The following HPSE2 variants were observed in gnomAD, a reference collection of about 807,000 sequenced individuals.
The protein encoded by HPSE2 is heparanase 2 (inactive), also known as inactive heparanase-2.
In HPSE2, 38 loss-of-function variants were observed where a neutral mutation model predicts 60.5. The ratio of observed to expected loss-of-function variants is 0.63; its 90% CI spans 0.48 to 0.82. The LOEUF (loss-of-function observed/expected upper bound fraction) is 0.82, where lower values mean the gene tolerates loss of function less well. Among genes scored for constraint, HPSE2 ranks in the 40% least tolerant of loss-of-function variants. The probability of loss-of-function intolerance (pLI) is 0.00; values close to 1 mark genes in which losing one functional copy is unlikely to be tolerated. For missense variants in HPSE2, 713 were observed against 740.4 expected (o/e 0.96, Z 0.43); for synonymous variants, 295 against 293.2 (o/e 1.01, Z -0.06).
chr10:98,620,840 T>C (rs972350380), intron 7 of HPSE2, 132 bp from the exon 8 acceptor site: 3 of 726,402 alleles, frequency 4.1e-6, no homozygotes, highest in Non-Finnish European at 7.4e-6. Context: ...TGTGCTTTCT[T>C]ATGATGATGC....
chr10:98,506,841 T>C (rs757063410), intron 9 of HPSE2, among the ~76,000 whole-genome samples: 2 of 152,186 alleles, frequency 1.3e-5, no homozygotes, highest in Non-Finnish European at 2.9e-5. Context: ...TGATATTCTA[T>C]GAAAACCATT....
intron 3 of HPSE2, among the ~76,000 whole-genome samples, chr10:98,819,236 C>G (rs1422165477): frequency 6.6e-6 from 1 of 152,040 alleles, no homozygotes; most frequent in African/African-American, 2.4e-5. Context: ...CTGTCATGAT[C>G]AGAAAGGAGA....
At chr10:98,763,915 T>C (rs923356139) in intron 3 of HPSE2, among the ~76,000 whole-genome samples, 5 of 152,002 alleles carry the variant, frequency 3.3e-5, no homozygotes, top group Admixed American at 6.6e-5. Context: ...ATAGTAAATT[T>C]GGGGGTAAAG....
intron 7 of HPSE2, among the ~76,000 whole-genome samples, chr10:98,638,680 T>G (rs680974): frequency 0.91 from 138,078 of 152,116 alleles, 64,149 homozygotes; most frequent in East Asian, 1. Context: ...CCCAGGGAAG[T>G]CCAGTGCTTA....
intron 3 of HPSE2, among the ~76,000 whole-genome samples, chr10:98,819,657 G>C (rs1951378477): frequency 6.6e-6 from 1 of 152,020 alleles, no homozygotes. Flanking sequence ...CTTTTTAAAA[G>C]AGCTTTTTGA....
At chr10:98,796,019 T>C (rs997680213) in intron 3 of HPSE2, among the ~76,000 whole-genome samples, 1 of 151,956 alleles carries the variant, frequency 6.6e-6, no homozygotes, top group African/African-American at 2.4e-5. Context: ...TAACCACCAA[T>C]GATACCCAAG....
chr10:99,114,642 C>T (rs1032221958), intron 3 of HPSE2, among the ~76,000 whole-genome samples: 6 of 151,996 alleles, frequency 3.9e-5, no homozygotes, highest in East Asian at 1.9e-4. Flanking sequence ...TGGCTGGGTG[C>T]GGTGGCTCAT....
chr10:98,735,884 G>C (rs895593055), intron 4 of HPSE2, among the ~76,000 whole-genome samples: 4 of 152,170 alleles, frequency 2.6e-5, no homozygotes, highest in African/African-American at 9.7e-5. Context: ...GAATTGCCTT[G>C]TCTCAGATGA....
intron 2 of HPSE2, among the ~76,000 whole-genome samples, chr10:99,190,526 G>A (rs1848182999): frequency 6.6e-6 from 1 of 152,094 alleles, no homozygotes; most frequent in Non-Finnish European, 1.5e-5. Flanking sequence ...TCATATATAT[G>A]TCTGTCTGAC....
At chr10:99,022,127 C>G (rs1029643444) in intron 3 of HPSE2, among the ~76,000 whole-genome samples, 1 of 147,354 alleles carries the variant, frequency 6.8e-6, no homozygotes, top group Non-Finnish European at 1.5e-5. Flanking sequence ...ATCTCTGACA[C>G]CACCCCTTCT....
intron 3 of HPSE2, among the ~76,000 whole-genome samples, chr10:99,074,040 G>A (rs143478170): frequency 1.5e-3 from 229 of 150,008 alleles, no homozygotes; most frequent in African/African-American, 5.4e-3. Flanking sequence ...TTCTGATTTG[G>A]TTGACTTTTC....
chr10:99,027,471 A>G (rs943139125), intron 3 of HPSE2, among the ~76,000 whole-genome samples: 14 of 152,316 alleles, frequency 9.2e-5, no homozygotes, highest in South Asian at 2.1e-4. Flanking sequence ...TGTAATAAAA[A>G]GTTTCCCACT....
At chr10:98,748,572 G>A (rs147903090) in intron 3 of HPSE2, among the ~76,000 whole-genome samples, 230 of 152,284 alleles carry the variant, frequency 1.5e-3, no homozygotes, top group Non-Finnish European at 2.6e-3. Context: ...ATAGTGGGCA[G>A]TTGAAGATGA....
chr10:98,779,860 C>T (rs1453427456), intron 3 of HPSE2, among the ~76,000 whole-genome samples: 2 of 152,132 alleles, frequency 1.3e-5, no homozygotes, highest in Non-Finnish European at 2.9e-5. Flanking sequence ...CAAGTCCAAA[C>T]CAATGGAAGT....
At chr10:99,160,716 G>A (rs1380836267) in intron 2 of HPSE2, among the ~76,000 whole-genome samples, 5 of 151,454 alleles carry the variant, frequency 3.3e-5, no homozygotes, top group Non-Finnish European at 4.4e-5. Flanking sequence ...CGGCTAAAAC[G>A]GTGAAACCCC....
At chr10:99,131,718 T>C (rs968583185) in intron 3 of HPSE2, among the ~76,000 whole-genome samples, 8 of 152,236 alleles carry the variant, frequency 5.3e-5, no homozygotes, top group African/African-American at 1.9e-4. Context: ...ATAAGAATGA[T>C]ACAATGGACT....
chr10:99,179,661 A>T (rs528731525), intron 2 of HPSE2, among the ~76,000 whole-genome samples: 23 of 152,244 alleles, frequency 1.5e-4, no homozygotes, highest in Non-Finnish European at 2.9e-4. Flanking sequence ...AAGAATCAAT[A>T]TCGTGAAAAT....
intron 2 of HPSE2, among the ~76,000 whole-genome samples, chr10:99,148,445 G>C (rs1049687014): frequency 6.6e-6 from 1 of 152,132 alleles, no homozygotes; most frequent in Non-Finnish European, 1.5e-5. Context: ...TGGTAGTCTA[G>C]AGTAAGTCCA....
chr10:99,175,354 C>A (rs967333151), intron 2 of HPSE2, among the ~76,000 whole-genome samples: 7 of 152,224 alleles, frequency 4.6e-5, no homozygotes, highest in Non-Finnish European at 1.0e-4. Flanking sequence ...CAGAGCCCAG[C>A]AAGCTAAGAT....
Sources: gnomAD v4.1 joint callset for allele counts (sites outside exome capture counted in the v4.1 genomes callset) on GRCh38, gnomAD v4.1.1 for gene constraint, MANE v1.5 for transcripts, NCBI Gene and HGNC (gene_info 2026-07-23, HGNC 2026-07-21) for gene names.